Variants in ATRNL1 observed in about 807,000 individuals in gnomAD.
ATRNL1 encodes attractin-like protein 1.
Under a neutral mutation model 182.7 loss-of-function variants are expected in ATRNL1, and 95 were observed. That is an observed-to-expected ratio of 0.52 (90% CI 0.44 to 0.62). The LOEUF (loss-of-function observed/expected upper bound fraction) is 0.62, where lower values mean the gene tolerates loss of function less well. Among genes scored for constraint, ATRNL1 ranks in the 20% least tolerant of loss-of-function variants. ATRNL1 has a pLI of 0.00. For missense variants in ATRNL1, 1,471 were observed against 1,679.5 expected (o/e 0.88, Z 2.17); for synonymous variants, 576 against 568.3 (o/e 1.01, Z -0.19).
intron 26 of ATRNL1, among the ~76,000 whole-genome samples, chr10:115,715,055 A>G (rs1555055903): frequency 6.6e-6 from 1 of 152,194 alleles, no homozygotes; most frequent in African/African-American, 2.4e-5. Context: ...GAGAGGTTGA[A>G]TGAGCCAAGA....
intron 28 of ATRNL1, among the ~76,000 whole-genome samples, chr10:115,871,469 T>TTATATATATATATATATATATATA (rs1162576615): frequency 2.0e-4 from 28 of 140,302 alleles, no homozygotes; most frequent in African/African-American, 5.8e-4. Flanking sequence ...GTCAGATTCT[T>TTATATATATATATATATATATATA]TGTGTGTGTG....
intron 26 of ATRNL1, among the ~76,000 whole-genome samples, chr10:115,593,219 A>C (rs1187631439): frequency 6.6e-6 from 1 of 152,198 alleles, no homozygotes; most frequent in Non-Finnish European, 1.5e-5. Context: ...CCTTGATATG[A>C]ACATCAATCC....
intron 25 of ATRNL1, among the ~76,000 whole-genome samples, chr10:115,521,179 A>T (rs1554985085): frequency 8.7e-6 from 1 of 114,888 alleles, no homozygotes; most frequent in Admixed American, 8.3e-5. Flanking sequence ...TTGTTGAGAC[A>T]GGGTCTCACC....
chr10:115,589,549 G>T (rs1048557110), intron 26 of ATRNL1, among the ~76,000 whole-genome samples: 1 of 152,006 alleles, frequency 6.6e-6, no homozygotes, highest in African/African-American at 2.4e-5. Context: ...ATTGTACAAA[G>T]TCTACTTTCA....
chr10:115,738,374 A>T (rs182098217), intron 27 of ATRNL1, among the ~76,000 whole-genome samples: 2 of 151,974 alleles, frequency 1.3e-5, no homozygotes, highest in African/African-American at 4.8e-5. Flanking sequence ...TCCCGACCTC[A>T]GGTAATCCAC....
At chr10:115,099,505 C>G (rs1214305896) in intron 1 of ATRNL1, among the ~76,000 whole-genome samples, 1 of 152,082 alleles carries the variant, frequency 6.6e-6, no homozygotes, top group Non-Finnish European at 1.5e-5. Context: ...TTAAAGAAAC[C>G]GACAAACTGT....
chr10:115,787,768 A>T (rs2134204280), intron 27 of ATRNL1, among the ~76,000 whole-genome samples: 1 of 152,298 alleles, frequency 6.6e-6, no homozygotes, highest in Admixed American at 6.5e-5. Flanking sequence ...ACTTGGTAAA[A>T]GGACCTTTGC....
chr10:115,662,278 T>G (rs1371274920), intron 26 of ATRNL1, among the ~76,000 whole-genome samples: 1 of 152,044 alleles, frequency 6.6e-6, no homozygotes, highest in Non-Finnish European at 1.5e-5. Context: ...CTCACACCAG[T>G]TCGAATGGTG....
In ATRNL1 at chr10:115,330,595, C is replaced by T. The variant is rs75505621; in HGVS notation, c.3038-3687C>T. On this transcript the variant is annotated intron_variant, in intron 18 of 28. Transcript: ENST00000355044. ...TTTGTTGTCTTTGAATATGTCATCC[C>T]GCTCTCTCTTGGCCTGTGGGGTTTC... 3.4e-4 allele frequency among the ~76,000 whole-genome samples: 49 copies of T among 144,806 alleles called. No homozygotes were observed. In the East Asian group the frequency reaches 7.5e-3, roughly 22 times the overall value. The allele number at this position is 144,806 out of a possible 152,430, so 95.0% of individuals were successfully genotyped here. A position where few individuals can be genotyped will look rare whatever the true frequency, so the allele number is the denominator to read the frequency against.
intron 26 of ATRNL1, among the ~76,000 whole-genome samples, chr10:115,585,240 A>G (rs1592897868): frequency 2.7e-5 from 1 of 37,670 alleles, no homozygotes; most frequent in Non-Finnish European, 5.9e-5. Context: ...TTTGGGGTGG[A>G]GAGTTCTGTA....
chr10:115,114,754 A>G (rs1460445500), intron 1 of ATRNL1, among the ~76,000 whole-genome samples: 1 of 152,054 alleles, frequency 6.6e-6, no homozygotes, highest in Admixed American at 6.6e-5. Context: ...GTTGGTGAGT[A>G]TATGGCAAAA....
At chr10:115,374,267 TTTTG>T (rs1471187845) in intron 19 of ATRNL1, among the ~76,000 whole-genome samples, 3 of 151,806 alleles carry the variant, frequency 2.0e-5, no homozygotes, top group Middle Eastern at 3.2e-3. Flanking sequence ...GGTTTGTCAA[TTTTG>T]TTTATCTTTT....
chr10:115,808,036 C>A (rs1949962263), intron 27 of ATRNL1, among the ~76,000 whole-genome samples: 1 of 152,096 alleles, frequency 6.6e-6, no homozygotes, highest in Admixed American at 6.6e-5. Flanking sequence ...AGAGTACTAC[C>A]TTTTATCATT....
At chr10:115,812,596 C>G (rs549306149) in intron 27 of ATRNL1, among the ~76,000 whole-genome samples, 1 of 152,252 alleles carries the variant, frequency 6.6e-6, no homozygotes, top group East Asian at 1.9e-4. Context: ...CCTGCCTCAG[C>G]CTCCCAAGCA....
chr10:115,787,320 A>T (rs1949420316), intron 27 of ATRNL1, among the ~76,000 whole-genome samples: 2 of 152,196 alleles, frequency 1.3e-5, no homozygotes, highest in South Asian at 4.1e-4. Flanking sequence ...ATCAATATAT[A>T]GCCAGGCTTT....
intron 24 of ATRNL1, among the ~76,000 whole-genome samples, chr10:115,508,116 A>C (rs1210761414): frequency 6.6e-6 from 1 of 151,966 alleles, no homozygotes; most frequent in African/African-American, 2.4e-5. Context: ...TTTTTAAAAT[A>C]TTTTTATTTT....
Position 115,528,061 on chromosome 10 carries a change from CCTTCCTTCCTTT to C in ATRNL1, c.3716+8739_3716+8750del, listed in dbSNP as rs1201653858. Reference sequence around the variant, plus strand: ...TTCTTCCTTCCTTCCTTCCTTCCTTCCTTCCTTCCTTTCCCTTCTCATTTCTAAAAATAATCT... The same window carrying C: ...TTCTTCCTTCCTTCCTTCCTTCCTTCCCCTTCTCATTTCTAAAAATAATCT... On this transcript the variant is annotated intron_variant, in intron 25 of 28. Coordinates refer to ENST00000355044, the MANE Select transcript of ATRNL1 (RefSeq NM_207303.4). 3.8e-3 allele frequency among the ~76,000 whole-genome samples: 386 copies of C among 100,872 alleles called. 8 individuals carry two copies. The highest frequency in any genetic ancestry group is 5.9e-3 in the Middle Eastern group (1 of 170). The allele number at this position is 100,872 out of a possible 152,430, so 66.2% of individuals were successfully genotyped here.
At chr10:115,479,175 T>C (rs1313826402) in intron 24 of ATRNL1, among the ~76,000 whole-genome samples, 2 of 151,658 alleles carry the variant, frequency 1.3e-5, no homozygotes, top group Non-Finnish European at 3.0e-5. Context: ...TGGTATTTAC[T>C]TGTTAATACT....
At chr10:115,175,714 T>C (rs1004894859) in intron 8 of ATRNL1, among the ~76,000 whole-genome samples, 6 of 152,140 alleles carry the variant, frequency 3.9e-5, no homozygotes, top group Non-Finnish European at 8.8e-5. Context: ...TATTTCTTAA[T>C]AGAAAAATTA....
Sources: allele counts gnomAD v4.1 joint callset (sites outside exome capture counted in the v4.1 genomes callset), GRCh38; gene constraint gnomAD v4.1.1; transcripts MANE v1.5; gene names NCBI Gene and HGNC (gene_info 2026-07-23, HGNC 2026-07-21).